RILP: variants seen among roughly 807,000 people sequenced by gnomAD.
RILP encodes rab-interacting lysosomal protein.
In RILP, 53 loss-of-function variants were observed where a neutral mutation model predicts 40.0. The observed-to-expected ratio is 1.32, with a 90% CI of 1.06 to 1.66. RILP has a LOEUF of 1.66. Ranked by LOEUF, RILP falls within the 40% of genes most tolerant of loss-of-function variation. RILP has a pLI of 0.00. For missense variants in RILP, 626 were observed against 551.7 expected (o/e 1.13, Z -1.35); for synonymous variants, 272 against 250.6 (o/e 1.09, Z -0.80).
chr17:1,648,741 C>T lies in RILP; in HGVS notation c.675+58G>A. ...CAGCATGCAAACCTTGCTTGAGTGCCCACCGAGGGCTGGACGCTGCGTCCT... is the reference window on the plus strand; with the variant it reads ...CAGCATGCAAACCTTGCTTGAGTGCTCACCGAGGGCTGGACGCTGCGTCCT... On this transcript the variant is annotated intron_variant, in intron 4 of 7. Coordinates refer to ENST00000301336, the MANE Select transcript of RILP (RefSeq NM_031430.3). The surrounding 1 kb of genome is among the most constrained non-coding windows in gnomAD (Gnocchi z 4.9). 6.9e-7 allele frequency: 1 copy of T among 1,441,994 alleles called. No individual in the cohort carries two copies. The highest frequency in any genetic ancestry group is 2.5e-5 in the East Asian group (1 of 39,764). 89.3% of individuals were successfully genotyped at this position (1,441,994 alleles called of 1,614,324 possible).
intron 6 of RILP, among the ~76,000 whole-genome samples, chr17:1,647,282 G>A (rs1324989092): frequency 2.0e-5 from 3 of 152,190 alleles, no homozygotes; most frequent in African/African-American, 7.2e-5. Flanking sequence ...TGGGATTATA[G>A]GCACATGCCA....
In RILP at chr17:1,648,540, TC is replaced by T; in HGVS notation, c.676-46del. The T allele has an allele frequency of 6.3e-7, 1 of 1,598,492 alleles. No individual in the cohort carries two copies. The highest frequency in any genetic ancestry group is 8.5e-7 in the Non-Finnish European group (1 of 1,175,024). ...GTCAGAGGGTCGCCTCGGCTGGCGTTCCCCCGCCCCAGGGCCATCATGGGAA... is the reference window on the plus strand; with the variant it reads ...GTCAGAGGGTCGCCTCGGCTGGCGTTCCCCGCCCCAGGGCCATCATGGGAA... On this transcript the variant is annotated intron_variant, in intron 4 of 7. Transcript: ENST00000301336. The surrounding 1 kb of genome is among the most constrained non-coding windows in gnomAD (Gnocchi z 4.9).
Position 1,646,926 on chromosome 17 carries a change from CG to C in RILP, c.1007del (p.Pro336ArgfsTer32). On this transcript the variant is annotated frameshift_variant, in exon 7 of 8. Transcript: ENST00000301336. LOFTEE classifies it low-confidence loss of function (END_TRUNC). This position sits in a 1 kb window ranked among gnomAD's most constrained non-coding sequence, Gnocchi z 4.3. ...SDDKGDHPPP[P>X]ESKIQSFFGL... Reference sequence around the variant, plus strand: ...CATACAAACTCTGTATTTTGGACTCCGGGGGTGGGGGATGGTCTCCCTTGTC... The same window carrying C: ...CATACAAACTCTGTATTTTGGACTCCGGGGTGGGGGATGGTCTCCCTTGTC... 3 of 1,605,142 alleles carry C rather than the reference CG, an allele frequency of 1.9e-6. No homozygotes were observed. The highest frequency in any genetic ancestry group is 2.2e-5 in the South Asian group (2 of 89,824).
chr17:1,647,805 G>A (rs1289813052), intron 6 of RILP, 30 bp downstream of exon 6: 1 of 1,613,636 alleles, frequency 6.2e-7, no homozygotes, highest in East Asian at 2.2e-5. Flanking sequence ...AGGGAGGCCT[G>A]GCTCCGTGGG....
rs755684887 is a variant in RILP at position 1,647,895 on chromosome 17, C to T, written c.884G>A (p.Arg295Gln). ...GGCCTTGATCTTCTTCCGCTGCTTC[C>T]GGACAGCCACCTTCATGGCCTCGAG... is the stretch of plus-strand genomic sequence containing the variant. ...LLLEAMKVAV[R>Q]KQRKKIKAKM... The change falls in exon 6 of 8, where the codon CGG becomes CAG. Residue 295 changes from arginine to glutamine, a missense_variant. By Grantham distance (43) the Arg-to-Gln change is conservative. Coordinates refer to ENST00000301336, the MANE Select transcript of RILP (RefSeq NM_031430.3). The T allele has an allele frequency of 3.3e-5, 53 of 1,613,982 alleles. No homozygotes were observed. The highest frequency in any genetic ancestry group is 1.2e-4 in the South Asian group (11 of 91,088).
rs770356695 is a variant in RILP, at chr17:1,649,540, C to G, written c.229-35G>C. 26 of 1,509,136 alleles carry G rather than the reference C, an allele frequency of 1.7e-5. No homozygotes were observed. Among genetic ancestry groups the G allele is most frequent in the Middle Eastern group, 1.9e-4 (1 of 5,270 alleles). 93.5% of individuals were successfully genotyped at this position (1,509,136 alleles called of 1,614,324 possible). A position where few individuals can be genotyped will look rare whatever the true frequency, so the allele number is the denominator to read the frequency against. ...CCCGGGTCTCAGGCTTCGGCCCTGC[C>G]GGCCCCGTGGGTGGCGAAGGGAGGG... On this transcript the variant is annotated intron_variant, in intron 1 of 7. Transcript: ENST00000301336. This position sits in a 1 kb window ranked among gnomAD's most constrained non-coding sequence, Gnocchi z 4.3.
intron 6 of RILP, 58 bp downstream of exon 6, chr17:1,647,776 AG>A: frequency 6.2e-7 from 1 of 1,605,474 alleles, no homozygotes. Flanking sequence ...CTGGGTCATC[AG>A]GCTCAGCAGA....
In RILP at chr17:1,648,892, C is replaced by T; in HGVS notation, c.582G>A (p.Ala194=). ...GCCCGGGCCGCCCGGCCTGCCCCCG[C>T]GCTCGCTCTTTAGCCTGCGGAGTCG... The part of the protein sequence containing the change: ...EAATPQAKER[A]RGQAGRPGHQ... The change falls in exon 4 of 8, where the codon GCG becomes GCA. Residue 194 remains alanine, a synonymous_variant. Transcript: ENST00000301336. This position sits in a 1 kb window ranked among gnomAD's most constrained non-coding sequence, Gnocchi z 4.9. 1 of 1,528,766 alleles carries T rather than the reference C, an allele frequency of 6.5e-7. No homozygotes were observed. Among genetic ancestry groups the T allele is most frequent in the Non-Finnish European group, 8.7e-7 (1 of 1,144,876 alleles). The allele number at this position is 1,528,766 out of a possible 1,614,324, so 94.7% of individuals were successfully genotyped here.
At position 1,649,270 on chromosome 17, in the gene RILP, G is replaced by T; in HGVS notation, c.359C>A (p.Thr120Lys). ...RALLRQLKEVTDRQRDELRAH... is the reference protein window; with the variant it reads ...RALLRQLKEVKDRQRDELRAH... ...CCGGAGTTCGTCCCGCTGTCGGTCC[G>T]TGACCTCCTTGAGCTGCCGCAGCAG... The change falls in exon 3 of 8, where the codon ACG becomes AAG. Residue 120 changes from threonine (T) to lysine (K), a missense_variant. Thr to Lys is a moderately conservative substitution (Grantham distance 78, BLOSUM62 -1). Transcript: ENST00000301336. The surrounding 1 kb of genome is among the most constrained non-coding windows in gnomAD (Gnocchi z 4.3). The T allele has an allele frequency of 6.6e-7, 1 of 1,504,978 alleles. No homozygotes were observed. Among genetic ancestry groups the T allele is most frequent in the South Asian group, 1.2e-5 (1 of 81,388 alleles). The allele number at this position is 1,504,978 out of a possible 1,614,324, so 93.2% of individuals were successfully genotyped here.
In RILP at chr17:1,646,361, C is replaced by A; in HGVS notation, c.*81G>T. The stretch of plus-strand genomic sequence containing the variant: ...GCCCTGATGCAGGCCAGGATTGGGG[C>A]AGACCCCTGGCGAGGGCTGTGAAGG... On this transcript the variant is annotated 3_prime_UTR_variant, in exon 8 of 8. Transcript: ENST00000301336. The surrounding 1 kb of genome is among the most constrained non-coding windows in gnomAD (Gnocchi z 4.3). The A allele has an allele frequency of 7.2e-7, 1 of 1,385,900 alleles. No individual in the cohort carries two copies. Among genetic ancestry groups the A allele is most frequent in the Non-Finnish European group, 9.8e-7 (1 of 1,024,128 alleles). 85.9% of individuals were successfully genotyped at this position (1,385,900 alleles called of 1,614,324 possible).
At position 1,648,507 on chromosome 17, in the gene RILP, C is replaced by G; in HGVS notation, c.676-12G>C. On this transcript the variant is annotated splice_polypyrimidine_tract_variant and intron_variant, in intron 4 of 7. Coordinates refer to ENST00000301336, the MANE Select transcript of RILP (RefSeq NM_031430.3). The surrounding 1 kb of genome is among the most constrained non-coding windows in gnomAD (Gnocchi z 4.9). ...TGCGCGGCCTCCGCCTTTGGAAGGA[C>G]AGGCACAGTCAGAGGGTCGCCTCGG... 6.2e-7 allele frequency: 1 copy of G among 1,610,988 alleles called. No individual in the cohort carries two copies. The highest frequency in any genetic ancestry group is 2.2e-5 in the East Asian group (1 of 44,882).
At position 1,648,061 on chromosome 17, in the gene RILP, C is replaced by A; in HGVS notation, c.822-104G>T. ...AGTCCTCACTCCTGGTACCTGTGCACGCAGCTCTTCCCTGAACACGGGAAG... is the reference window on the plus strand; with the variant it reads ...AGTCCTCACTCCTGGTACCTGTGCAAGCAGCTCTTCCCTGAACACGGGAAG... On this transcript the variant is annotated intron_variant, in intron 5 of 7. Coordinates refer to ENST00000301336, the MANE Select transcript of RILP (RefSeq NM_031430.3). The surrounding 1 kb of genome is among the most constrained non-coding windows in gnomAD (Gnocchi z 4.9). 1.4e-6 allele frequency: 2 copies of A among 1,456,592 alleles called. No individual in the cohort carries two copies. Among genetic ancestry groups the A allele is most frequent in the Non-Finnish European group, 1.9e-6 (2 of 1,068,272 alleles). The allele number at this position is 1,456,592 out of a possible 1,614,324, so 90.2% of individuals were successfully genotyped here. A position where few individuals can be genotyped will look rare whatever the true frequency, so the allele number is the denominator to read the frequency against.
rs989545581 is a variant in RILP, at chr17:1,649,181, AGCCCC to A, written c.429+14_429+18del. 2 of 1,028,462 alleles carry A rather than the reference AGCCCC, an allele frequency of 1.9e-6. No individual in the cohort carries two copies. The highest frequency in any genetic ancestry group is 2.6e-6 in the Non-Finnish European group (2 of 768,128). 63.7% of individuals were successfully genotyped at this position (1,028,462 alleles called of 1,614,324 possible). A position where few individuals can be genotyped will look rare whatever the true frequency, so the allele number is the denominator to read the frequency against. On this transcript the variant is annotated intron_variant, in intron 3 of 7. Transcript: ENST00000301336. The surrounding 1 kb of genome is among the most constrained non-coding windows in gnomAD (Gnocchi z 4.3). ...ACGCTCCGCCCCCGCCCCGCCCCAG[AGCCCC>A]GCCCCGCCCTCACCGCCTCGGTCTC...
rs1304006972 is a variant in RILP, at chr17:1,648,172, GCAACC to G, written c.821+173_821+177del. On this transcript the variant is annotated intron_variant, in intron 5 of 7. Transcript: ENST00000301336. The surrounding 1 kb of genome is among the most constrained non-coding windows in gnomAD (Gnocchi z 4.9). ...GAGAGATTCCCTGGCTGCTGCAGCT[GCAACC>G]CTTTGTACTGTCCCTCTCCCCTGTC... Among the ~76,000 whole-genome samples the G allele has an allele frequency of 6.6e-6, 1 of 152,208 alleles. No homozygotes were observed. The highest frequency in any genetic ancestry group is 1.5e-5 in the Non-Finnish European group (1 of 68,032).
chr17:1,649,680 A>G lies in RILP; in HGVS notation c.125T>C (p.Leu42Pro), dbSNP rs778417020. The G allele has an allele frequency of 6.3e-7, 1 of 1,591,052 alleles. No homozygotes were observed. The highest frequency in any genetic ancestry group is 8.5e-7 in the Non-Finnish European group (1 of 1,176,242). ...AGALGTELQD[L>P]ARRFGPEAAA... Reference sequence around the variant, plus strand: ...CGCCTCCGGCCCGAAACGGCGCGCCAGATCCTGCAGCTCAGTGCCCAGGGC... The same window carrying G: ...CGCCTCCGGCCCGAAACGGCGCGCCGGATCCTGCAGCTCAGTGCCCAGGGC... Residue 42 changes from leucine to proline, a missense_variant, in exon 1 of 8, where the codon CTG becomes CCG. Transcript: ENST00000301336. This position sits in a 1 kb window ranked among gnomAD's most constrained non-coding sequence, Gnocchi z 4.3.
rs780774829 is a variant in RILP, at chr17:1,646,699, G to A, written c.1029-80C>T. ...TATGGGTGAGGGCAGGGGATGGTGA[G>A]AAAAGGGGAGAGGGGGAAGAAAGGG... On this transcript the variant is annotated intron_variant, in intron 7 of 7. Coordinates refer to ENST00000301336, the MANE Select transcript of RILP (RefSeq NM_031430.3). The surrounding 1 kb of genome is among the most constrained non-coding windows in gnomAD (Gnocchi z 4.3). The A allele has an allele frequency of 3.8e-5, 54 of 1,410,848 alleles. No individual in the cohort carries two copies. The highest frequency in any genetic ancestry group is 4.9e-5 in the Non-Finnish European group (51 of 1,039,892). 87.4% of individuals were successfully genotyped at this position (1,410,848 alleles called of 1,614,324 possible).
chr17:1,649,715 A>G lies in RILP; in HGVS notation c.90T>C (p.His30=), dbSNP rs1910868692. Residue 30 remains histidine, a synonymous_variant, in exon 1 of 8, where the codon CAT becomes CAC. Coordinates refer to ENST00000301336, the MANE Select transcript of RILP (RefSeq NM_031430.3). The surrounding 1 kb of genome is among the most constrained non-coding windows in gnomAD (Gnocchi z 4.3). ...GCTCAGTGCCCAGGGCCCCGGCTAG[A>G]TGGTACACAAGCTCCGCGGCCGATG... ...GSASAAELVY[H]LAGALGTELQ... 3 of 1,592,802 alleles carry G rather than the reference A, an allele frequency of 1.9e-6. No homozygotes were observed. The highest frequency in any genetic ancestry group is 1.3e-5 in the African/African-American group (1 of 74,772).
Position 1,648,399 on chromosome 17 carries a change from G to A in RILP, c.772C>T (p.Leu258Phe), listed in dbSNP as rs1280240185. Residue 258 changes from leucine to phenylalanine, a missense_variant, in exon 5 of 8, where the codon CTC (leucine) becomes TTC (phenylalanine). Physicochemically the swap from Leu to Phe is conservative, Grantham distance 22. Transcript: ENST00000301336. This position sits in a 1 kb window ranked among gnomAD's most constrained non-coding sequence, Gnocchi z 4.9. ...FEQILQERNE[L>F]KAKVFLLKEE... ...TTGAGCAGGAACACTTTGGCTTTGAGTTCATTCCGCTCCTGAAGGATCTGC... is the reference window on the plus strand; with the variant it reads ...TTGAGCAGGAACACTTTGGCTTTGAATTCATTCCGCTCCTGAAGGATCTGC... 3.1e-6 allele frequency: 5 copies of A among 1,614,010 alleles called. No individual in the cohort carries two copies. The highest frequency in any genetic ancestry group is 3.3e-5 in the Admixed American group (2 of 59,988).
In RILP at chr17:1,648,437, C is replaced by T. The variant is rs146695430; in HGVS notation, c.734G>A (p.Arg245Gln). ...CTGAAGGATCTGCTCAAACTCCTCC[C>T]GACTGAAGCGGCACTGCCCTGCCTC... ...PSEAGQCRFS[R>Q]EEFEQILQER... is the part of the protein sequence containing the mutation. The change falls in exon 5 of 8, where the codon CGG becomes CAG. Residue 245 changes from arginine to glutamine, a missense_variant. Coordinates refer to ENST00000301336, the MANE Select transcript of RILP (RefSeq NM_031430.3). The surrounding 1 kb of genome is among the most constrained non-coding windows in gnomAD (Gnocchi z 4.9). 6.2e-6 allele frequency: 10 copies of T among 1,614,100 alleles called. No homozygotes were observed. In the East Asian group the frequency reaches 1.6e-4, roughly 25 times the overall value.
Sources: gnomAD v4.1 joint callset for allele counts (sites outside exome capture counted in the v4.1 genomes callset) on GRCh38, gnomAD v4.1.1 for gene constraint, Gnocchi (gnomAD v3.1) non-coding constraint, MANE v1.5 for transcripts, NCBI Gene and HGNC (gene_info 2026-07-23, HGNC 2026-07-21) for gene names.